Variants in LOC128462377 observed in about 807,000 individuals in gnomAD.
chr16:89,332,646 A>G, the LOC128462377 span, among the ~76,000 whole-genome samples: 1 of 152,254 alleles, frequency 6.6e-6, no homozygotes, highest in Admixed American at 6.5e-5. Flanking sequence ...GGCTTTAGAA[A>G]AAAGCAAACG....
At chr16:89,387,617 G>A in the LOC128462377 span, among the ~76,000 whole-genome samples, 1 of 148,570 alleles carries the variant, frequency 6.7e-6, no homozygotes, top group Non-Finnish European at 1.5e-5. Context: ...AGCTTGCAGT[G>A]AGCCGAGACT....
the LOC128462377 span, among the ~76,000 whole-genome samples, chr16:89,387,546 G>A: frequency 4.0e-5 from 6 of 151,828 alleles, no homozygotes; most frequent in African/African-American, 1.2e-4. Flanking sequence ...GGTGGCGGGC[G>A]CCTGTACTCC....
At chr16:89,344,275 G>C in the LOC128462377 span, among the ~76,000 whole-genome samples, 1 of 152,112 alleles carries the variant, frequency 6.6e-6, no homozygotes, top group African/African-American at 2.4e-5. Context: ...TTTATTTGGA[G>C]CCTCTAACGA....
the LOC128462377 span, among the ~76,000 whole-genome samples, chr16:89,317,713 G>T: frequency 6.6e-6 from 1 of 152,196 alleles, no homozygotes; most frequent in African/African-American, 2.4e-5. Context: ...CAGCTCCTGG[G>T]TTTCCCAGGA....
At chr16:89,407,209 C>A in the LOC128462377 span, among the ~76,000 whole-genome samples, 1 of 151,034 alleles carries the variant, frequency 6.6e-6, no homozygotes, top group East Asian at 1.9e-4. Flanking sequence ...AAAAAGAACA[C>A]GCAGACAGAA....
chr16:89,353,799 A>G, the LOC128462377 span, among the ~76,000 whole-genome samples: 1 of 152,168 alleles, frequency 6.6e-6, no homozygotes, highest in Non-Finnish European at 1.5e-5. Context: ...ATCTTATGGA[A>G]CATAATGTTT....
the LOC128462377 span, among the ~76,000 whole-genome samples, chr16:89,336,863 CG>C: frequency 1.3e-5 from 2 of 152,166 alleles, no homozygotes; most frequent in East Asian, 3.9e-4. Flanking sequence ...CGGTGGCTCA[CG>C]CCTGTAATCC....
chr16:89,384,788 C>A, the LOC128462377 span, among the ~76,000 whole-genome samples: 2 of 151,690 alleles, frequency 1.3e-5, no homozygotes, highest in East Asian at 3.9e-4. Flanking sequence ...AAAAGCAGGC[C>A]CACTAGACAG....
chr16:89,372,027 G>A, the LOC128462377 span, among the ~76,000 whole-genome samples: 2 of 152,326 alleles, frequency 1.3e-5, no homozygotes, highest in South Asian at 2.1e-4. Flanking sequence ...ACATGGTGAA[G>A]CCAGGACTGA....
chr16:89,382,095 G>C, the LOC128462377 span, among the ~76,000 whole-genome samples: 1 of 152,222 alleles, frequency 6.6e-6, no homozygotes, highest in African/African-American at 2.4e-5. Context: ...GGCGCCACCA[G>C]AACGGGCGAG....
the LOC128462377 span, among the ~76,000 whole-genome samples, chr16:89,342,032 GCC>G: frequency 8.1e-3 from 297 of 36,518 alleles, 2 homozygotes; most frequent in East Asian, 0.048. Flanking sequence ...CACCTCCACT[GCC>G]CACAGCGGCC....
chr16:89,374,825 G>A, the LOC128462377 span, among the ~76,000 whole-genome samples: 3 of 152,048 alleles, frequency 2.0e-5, no homozygotes, highest in Non-Finnish European at 2.9e-5. Flanking sequence ...GGCTGCACAC[G>A]GCAAGTCACC....
At chr16:89,320,460 CGGCAA>C in the LOC128462377 span, 1 of 152,382 alleles carries the variant, frequency 6.6e-6, no homozygotes, top group African/African-American at 2.4e-5. Context: ...CTGTGCTGAG[CGGCAA>C]GGCACAGCCG....
the LOC128462377 span, among the ~76,000 whole-genome samples, chr16:89,348,241 A>T: frequency 1.3e-5 from 2 of 152,154 alleles, no homozygotes; most frequent in African/African-American, 2.4e-5. Context: ...CTCAAATACC[A>T]TTTTTTAAAA....
chr16:89,341,903 C>A, the LOC128462377 span, among the ~76,000 whole-genome samples: 1,413 of 51,848 alleles, frequency 0.027, no homozygotes, highest in Middle Eastern at 0.067. Flanking sequence ...CACCTCCACC[C>A]ACAGCGGCCA....
At chr16:89,408,953 C>A in the LOC128462377 span, among the ~76,000 whole-genome samples, 48 of 152,300 alleles carry the variant, frequency 3.2e-4, no homozygotes, top group African/African-American at 1.1e-3. Flanking sequence ...CTGTGGAGTG[C>A]GGTTTCTAAA....
At chr16:89,330,710 G>A in the LOC128462377 span, among the ~76,000 whole-genome samples, 44 of 137,326 alleles carry the variant, frequency 3.2e-4, no homozygotes, top group Non-Finnish European at 2.1e-4. Flanking sequence ...CTCTTGTATC[G>A]GAAGTCCCAC....
chr16:89,375,739 A>T, the LOC128462377 span, among the ~76,000 whole-genome samples: 1 of 143,816 alleles, frequency 7.0e-6, no homozygotes, highest in East Asian at 2.1e-4. Flanking sequence ...TACAAGCATG[A>T]GCCACTGCAC....
At chr16:89,375,412 C>A in the LOC128462377 span, among the ~76,000 whole-genome samples, 5 of 151,978 alleles carry the variant, frequency 3.3e-5, no homozygotes, top group Admixed American at 6.5e-5. Context: ...TATGGTCATG[C>A]CTGTGACAAG....
Sources: gnomAD v4.1 joint callset for allele counts (sites outside exome capture counted in the v4.1 genomes callset) on GRCh38, gnomAD v4.1.1 for gene constraint, MANE v1.5 for transcripts.